Variants in RFX6 observed in about 807,000 individuals in gnomAD.
The protein encoded by RFX6 is DNA-binding protein RFX6.
RFX6 carries 50 observed loss-of-function variants against 110.8 expected under a neutral mutation model. That is an observed-to-expected ratio of 0.45 (90% CI 0.36 to 0.57). RFX6 has a LOEUF of 0.57. Ranked by LOEUF, RFX6 falls within the 20% of genes least tolerant of loss-of-function variation. RFX6 has a pLI of 0.00. For synonymous variants in RFX6, 383 were observed against 411.2 expected (o/e 0.93, Z 0.83); for missense variants, 990 against 1,127.0 (o/e 0.88, Z 1.74).
At chr6:116,922,836 A>T (rs1459568695) in intron 13 of RFX6, among the ~76,000 whole-genome samples, 4 of 152,232 alleles carry the variant, frequency 2.6e-5, no homozygotes, top group African/African-American at 7.2e-5. Flanking sequence ...AAGAAAAATT[A>T]AAAAATAAAA....
chr6:116,895,078 A>G, intron 5 of RFX6, 102 bp from the exon 6 acceptor site: 1 of 645,560 alleles, frequency 1.5e-6, no homozygotes, highest in East Asian at 2.7e-5. Context: ...TATTTCTCTA[A>G]TCATGGTATG....
rs200231251 is a variant in RFX6 at position 116,927,551 on chromosome 6, T to C, written c.2398+12T>C. On this transcript the variant is annotated intron_variant, in intron 17 of 18. Transcript: ENST00000332958. ...TAATTCACCAAATGGTATTGATATT[T>C]AAAAGAATTTTTCTTGGTTTTTGAG... 1 of 1,610,228 alleles carries C rather than the reference T, an allele frequency of 6.2e-7. No individual in the cohort carries two copies. Among genetic ancestry groups the C allele is most frequent in the East Asian group, 2.2e-5 (1 of 44,872 alleles).
At chr6:116,896,918 G>T (rs889596557) in intron 6 of RFX6, among the ~76,000 whole-genome samples, 2 of 152,114 alleles carry the variant, frequency 1.3e-5, no homozygotes, top group African/African-American at 4.8e-5. Flanking sequence ...TAAAGCCATG[G>T]TCAAGATATT....
At chr6:116,880,349 C>T (rs936981087) in intron 2 of RFX6, among the ~76,000 whole-genome samples, 195 bp from the exon 3 acceptor site, 10 of 151,976 alleles carry the variant, frequency 6.6e-5, no homozygotes, top group South Asian at 2.1e-4. Context: ...GCAGATTTTT[C>T]ACTGGGGTTT....
In RFX6 at chr6:116,894,200, T is replaced by C. The variant is rs1582516229; in HGVS notation, c.644+136T>C. ...GCATCAGACCTTAATGTCCGCTTTG[T>C]ATGGATGATTATATAATCTAGATTA... is the stretch of plus-strand genomic sequence containing the variant. On this transcript the variant is annotated intron_variant, in intron 5 of 18. Transcript: ENST00000332958. The C allele has an allele frequency of 1.8e-5, 12 of 673,450 alleles. 1 individual carries two copies. The highest frequency in any genetic ancestry group is 1.7e-4 in the South Asian group (11 of 64,314). 41.7% of individuals were successfully genotyped at this position (673,450 alleles called of 1,614,324 possible). A position where few individuals can be genotyped will look rare whatever the true frequency, so the allele number is the denominator to read the frequency against.
chr6:116,899,155 A>C (rs1775013925), intron 6 of RFX6, among the ~76,000 whole-genome samples: 1 of 152,170 alleles, frequency 6.6e-6, no homozygotes, highest in African/African-American at 2.4e-5. Context: ...TAATAAGAGA[A>C]GCATACTGCC....
At chr6:116,882,901 C>T (rs1774621079) in intron 4 of RFX6, among the ~76,000 whole-genome samples, 1 of 152,120 alleles carries the variant, frequency 6.6e-6, no homozygotes, top group Non-Finnish European at 1.5e-5. Context: ...TTGGTCATCT[C>T]TTAAGGTAAA....
chr6:116,894,091 A>G, intron 5 of RFX6, 27 bp downstream of exon 5: 1 of 1,207,648 alleles, frequency 8.3e-7, no homozygotes, highest in Non-Finnish European at 1.2e-6. Flanking sequence ...TTCAAGACAA[A>G]TTCTCTGTGT....
intron 6 of RFX6, among the ~76,000 whole-genome samples, chr6:116,907,851 C>T (rs1402385541): frequency 6.6e-6 from 1 of 151,930 alleles, no homozygotes; most frequent in Non-Finnish European, 1.5e-5. Flanking sequence ...TATTGTAAAA[C>T]TGTTCATTTC....
chr6:116,914,571 C>T (rs141093148), intron 7 of RFX6, among the ~76,000 whole-genome samples: 7 of 152,250 alleles, frequency 4.6e-5, no homozygotes, highest in African/African-American at 1.2e-4. Flanking sequence ...TAGAGCAATT[C>T]TCATTTGCAT....
intron 10 of RFX6, among the ~76,000 whole-genome samples, chr6:116,918,422 G>C (rs903871539): frequency 4.0e-5 from 6 of 151,828 alleles, no homozygotes; most frequent in African/African-American, 1.5e-4. Flanking sequence ...AAAAACTATA[G>C]GAGAAATTAT....
intron 6 of RFX6, among the ~76,000 whole-genome samples, chr6:116,896,707 C>A (rs1562137211): frequency 6.7e-6 from 1 of 149,330 alleles, no homozygotes; most frequent in African/African-American, 2.5e-5. Context: ...GACCCTATCT[C>A]AAAAAAAAAA....
intron 11 of RFX6, 118 bp downstream of exon 11, chr6:116,919,414 T>C: frequency 1.1e-6 from 1 of 910,894 alleles, no homozygotes; most frequent in Non-Finnish European, 1.8e-6. Flanking sequence ...AACAACTAAA[T>C]GCAACGTGAG....
At chr6:116,905,198 G>A (rs772253382) in intron 6 of RFX6, among the ~76,000 whole-genome samples, 9 of 152,202 alleles carry the variant, frequency 5.9e-5, no homozygotes, top group South Asian at 4.2e-4. Flanking sequence ...TTTTGCTGGC[G>A]TGTGTTTGTG....
chr6:116,892,060 A>G (rs1371062862), intron 4 of RFX6, among the ~76,000 whole-genome samples: 1 of 152,242 alleles, frequency 6.6e-6, no homozygotes, highest in Non-Finnish European at 1.5e-5. Flanking sequence ...TTCCAGAATC[A>G]TAAAATATCT....
intron 4 of RFX6, among the ~76,000 whole-genome samples, chr6:116,886,646 G>A (rs1471972446): frequency 6.6e-6 from 1 of 152,148 alleles, no homozygotes; most frequent in Non-Finnish European, 1.5e-5. Flanking sequence ...TCTCACATTT[G>A]TGCATGTGCT....
In RFX6 at chr6:116,920,308, A is replaced by C; in HGVS notation, c.1183-2A>C. ...AGTGTCTTCTTTACTTTCTCTATGC[A>C]GATTGCCAGACCAGCTCTCTTTGAC... On this transcript the variant is annotated splice_acceptor_variant, in intron 11 of 18. Transcript: ENST00000332958. LOFTEE classifies it high-confidence loss of function. 6.2e-7 allele frequency: 1 copy of C among 1,609,282 alleles called. No individual in the cohort carries two copies. Among genetic ancestry groups the C allele is most frequent in the Non-Finnish European group, 8.5e-7 (1 of 1,175,626 alleles).
intron 6 of RFX6, among the ~76,000 whole-genome samples, chr6:116,906,018 A>G (rs915673232): frequency 2.0e-5 from 3 of 151,674 alleles, no homozygotes; most frequent in African/African-American, 7.3e-5. Flanking sequence ...TTTTTGGTTA[A>G]TTTTTGTATA....
At chr6:116,889,169 C>T (rs141327171) in intron 4 of RFX6, among the ~76,000 whole-genome samples, 5 of 152,124 alleles carry the variant, frequency 3.3e-5, no homozygotes, top group East Asian at 3.9e-4. Context: ...ATATTGTTTA[C>T]GTATGCAACT....
Sources: allele counts gnomAD v4.1 joint callset (sites outside exome capture counted in the v4.1 genomes callset), GRCh38; gene constraint gnomAD v4.1.1; transcripts MANE v1.5; gene names NCBI Gene and HGNC (gene_info 2026-07-23, HGNC 2026-07-21).